RYR2: variants seen among roughly 807,000 people sequenced by gnomAD.
RYR2 encodes cardiac muscle ryanodine receptor-calcium release channel.
Under a neutral mutation model 601.1 loss-of-function variants are expected in RYR2, and 227 were observed. That is an observed-to-expected ratio of 0.38 (90% CI 0.34 to 0.42). The LOEUF is 0.42. Among genes scored for constraint, RYR2 ranks in the 10% least tolerant of loss-of-function variants. The pLI, the probability that RYR2 is intolerant of heterozygous loss-of-function variation, is 1.00. For missense variants in RYR2, 4,646 were observed against 6,156.5 expected, an observed-to-expected ratio of 0.75 and a Z score of 8.21; for synonymous variants, 2,223 against 2,175.1, an observed-to-expected ratio of 1.02 and a Z score of -0.61.
intron 92 of RYR2, among the ~76,000 whole-genome samples, chr1:237,790,911 G>T (rs1658305416): frequency 6.7e-6 from 1 of 150,150 alleles, no homozygotes; most frequent in Admixed American, 6.6e-5. Flanking sequence ...ACATCCCCCT[G>T]CCACCCCCAC....
chr1:237,706,090 A>G (rs953365666), intron 67 of RYR2, among the ~76,000 whole-genome samples: 1 of 152,116 alleles, frequency 6.6e-6, no homozygotes, highest in African/African-American at 2.4e-5. Context: ...CTGTGCTAAA[A>G]ATACAAAAAT....
At chr1:237,314,702 G>C (rs967542250) in intron 2 of RYR2, among the ~76,000 whole-genome samples, 3 of 152,176 alleles carry the variant, frequency 2.0e-5, no homozygotes, top group Non-Finnish European at 4.4e-5. Flanking sequence ...AGGCTTTCCT[G>C]AAGTCCGTGA....
chr1:237,827,886 G>A (rs1200817897), intron 101 of RYR2, among the ~76,000 whole-genome samples: 14 of 130,968 alleles, frequency 1.1e-4, no homozygotes, highest in South Asian at 2.7e-4. Context: ...GCAGTGAGCC[G>A]AGATTGTGCC....
At chr1:237,588,144 AGTTTT>A (rs1674739008) in intron 29 of RYR2, among the ~76,000 whole-genome samples, 2 of 152,064 alleles carry the variant, frequency 1.3e-5, no homozygotes, top group Non-Finnish European at 2.9e-5. Flanking sequence ...AATTTTTTTT[AGTTTT>A]AACTAGAAAC....
intron 28 of RYR2, among the ~76,000 whole-genome samples, chr1:237,568,503 A>G (rs1406305538): frequency 6.6e-6 from 1 of 152,352 alleles, no homozygotes; most frequent in Non-Finnish European, 1.5e-5. Flanking sequence ...TTATGTATAT[A>G]TATAAAAAGG....
intron 2 of RYR2, among the ~76,000 whole-genome samples, chr1:237,293,678 C>G (rs951527070): frequency 6.6e-6 from 1 of 152,122 alleles, no homozygotes; most frequent in African/African-American, 2.4e-5. Flanking sequence ...TAGTACAAAG[C>G]ATACAGATGA....
chr1:237,467,137 GAT>G (rs926085778), intron 16 of RYR2, among the ~76,000 whole-genome samples: 12 of 147,918 alleles, frequency 8.1e-5, no homozygotes, highest in Non-Finnish European at 1.6e-4. Flanking sequence ...ATATGATAAT[GAT>G]ATATGTTTTC....
At chr1:237,782,794 CAA>C (rs768707577) in intron 89 of RYR2, among the ~76,000 whole-genome samples, 23 of 152,158 alleles carry the variant, frequency 1.5e-4, no homozygotes, top group Non-Finnish European at 3.2e-4. Flanking sequence ...AATATTATCT[CAA>C]GTTTGCAAAT....
intron 98 of RYR2, among the ~76,000 whole-genome samples, chr1:237,805,597 A>T (rs1660544568): frequency 9.8e-6 from 1 of 101,754 alleles, no homozygotes. Context: ...AAAAAAAAAA[A>T]AAAAAAAAGT....
At chr1:237,132,491 A>G (rs1229147008) in intron 1 of RYR2, among the ~76,000 whole-genome samples, 2 of 152,236 alleles carry the variant, frequency 1.3e-5, no homozygotes, top group African/African-American at 2.4e-5. Flanking sequence ...CTAATTTGCT[A>G]TAATAGATGA....
chr1:237,356,263 A>G (rs1314802478), intron 4 of RYR2, among the ~76,000 whole-genome samples: 3 of 151,998 alleles, frequency 2.0e-5, no homozygotes, highest in Admixed American at 1.3e-4. Context: ...CTTCTGGCCA[A>G]CAGAAAGGTG....
intron 17 of RYR2, among the ~76,000 whole-genome samples, chr1:237,478,005 T>A (rs1157916012): frequency 3.9e-5 from 6 of 152,170 alleles, no homozygotes; most frequent in Non-Finnish European, 8.8e-5. Flanking sequence ...GAAAGGTACC[T>A]GCTCTGGAGA....
chr1:237,629,155 A>G (rs1021338843), intron 41 of RYR2, among the ~76,000 whole-genome samples: 4 of 152,180 alleles, frequency 2.6e-5, no homozygotes, highest in African/African-American at 7.2e-5. Flanking sequence ...ACTGATTTAT[A>G]CATGTATAAA....
intron 38 of RYR2, among the ~76,000 whole-genome samples, chr1:237,618,673 A>G (rs917430601): frequency 5.9e-5 from 9 of 152,174 alleles, no homozygotes; most frequent in African/African-American, 1.9e-4. Context: ...TAATAACTGC[A>G]CTACTGAAGC....
At chr1:237,135,713 G>A (rs189009325) in intron 1 of RYR2, among the ~76,000 whole-genome samples, 2 of 152,138 alleles carry the variant, frequency 1.3e-5, no homozygotes, top group Non-Finnish European at 2.9e-5. Context: ...TTTACAATGA[G>A]TTTTCACTTG....
chr1:237,253,375 C>G (rs1215869686), intron 1 of RYR2, among the ~76,000 whole-genome samples: 2 of 152,152 alleles, frequency 1.3e-5, no homozygotes, highest in African/African-American at 2.4e-5. Flanking sequence ...TCAGTGGGCT[C>G]TTTTTGTACA....
At chr1:237,818,462 T>G (rs1662079650) in intron 100 of RYR2, among the ~76,000 whole-genome samples, 1 of 152,112 alleles carries the variant, frequency 6.6e-6, no homozygotes, top group South Asian at 2.1e-4. Flanking sequence ...GTTGGTGGCT[T>G]TGACGTTTTA....
At chr1:237,393,919 A>G (rs967103056) in intron 10 of RYR2, among the ~76,000 whole-genome samples, 9 of 152,218 alleles carry the variant, frequency 5.9e-5, no homozygotes, top group African/African-American at 2.2e-4. Flanking sequence ...GGCTTCTAAC[A>G]CAAGATTAAA....
chr1:237,496,653 G>A lies in RYR2; in HGVS notation c.2104G>A (p.Gly702Arg), dbSNP rs569386030. Reference sequence around the variant, plus strand: ...GCGAGTGGGCTGGGCTTCCACTGAAGGATATTCTCCCTACCCTGGAGGGGG... The same window carrying A: ...GCGAGTGGGCTGGGCTTCCACTGAAAGATATTCTCCCTACCCTGGAGGGGG... ...HLRVGWASTE[G>R]YSPYPGGGEE... is the part of the protein sequence containing the mutation. Residue 702 changes from glycine (G) to arginine (R), a missense_variant, in exon 20 of 105, where the codon GGA becomes AGA. Coordinates refer to ENST00000366574, the MANE Select transcript of RYR2 (RefSeq NM_001035.3). The A allele has an allele frequency of 3.3e-5, 54 of 1,613,984 alleles. No homozygotes were observed. In the South Asian group the frequency reaches 5.4e-4, roughly 16 times the overall value.
Sources: gnomAD v4.1 joint callset for allele counts (sites outside exome capture counted in the v4.1 genomes callset) on GRCh38, gnomAD v4.1.1 for gene constraint, MANE v1.5 for transcripts, NCBI Gene and HGNC (gene_info 2026-07-23, HGNC 2026-07-21) for gene names.